The following PANX1 variants were observed in gnomAD, a reference collection of about 807,000 sequenced individuals.
The protein encoded by PANX1 is pannexin 1.
PANX1 carries 30 observed loss-of-function variants against 38.7 expected under a neutral mutation model. The observed-to-expected ratio is 0.78, with a 90% CI of 0.58 to 1.05. The LOEUF (loss-of-function observed/expected upper bound fraction) is 1.05, where lower values mean the gene tolerates loss of function less well. Ranked by LOEUF, PANX1 falls within the 50% of genes least tolerant of loss-of-function variation. The pLI is 0.00. For synonymous variants in PANX1, 230 were observed against 212.2 expected, an observed-to-expected ratio of 1.08 and a Z score of -0.73; for missense variants, 551 against 517.2, an observed-to-expected ratio of 1.07 and a Z score of -0.63.
chr11:94,173,839 C>G (rs1393976521), intron 2 of PANX1, among the ~76,000 whole-genome samples: 1 of 151,770 alleles, frequency 6.6e-6, no homozygotes, highest in Non-Finnish European at 1.5e-5. Context: ...TCTCTGCTTA[C>G]ACTTTTTGTG....
chr11:94,153,711 C>T, intron 2 of PANX1, 81 bp downstream of exon 2: 2 of 1,324,528 alleles, frequency 1.5e-6, no homozygotes. Context: ...TGCCAAAGAC[C>T]ACACAGATAT....
chr11:94,178,601 G>T lies in PANX1; in HGVS notation c.545+9G>T. On this transcript the variant is annotated intron_variant, in intron 3 of 4. Coordinates refer to ENST00000227638, the MANE Select transcript of PANX1 (RefSeq NM_015368.4). ...GAGAACTTAGGGCAAAGGTAACTTA[G>T]CCCCAGCAGGCAGCTCATCGGGTTT... 1 of 1,599,796 alleles carries T rather than the reference G, an allele frequency of 6.3e-7. No individual in the cohort carries two copies. Among genetic ancestry groups the T allele is most frequent in the South Asian group, 1.1e-5 (1 of 90,738 alleles).
chr11:94,161,387 C>T lies in PANX1; in HGVS notation c.321+7757C>T, dbSNP rs147851906. ...CAATCAGACGCAGATTTGGTCTTCT[C>T]ACATAGTCCCATATTTCTTGGAGGC... On this transcript the variant is annotated intron_variant, in intron 2 of 4. Coordinates refer to ENST00000227638, the MANE Select transcript of PANX1 (RefSeq NM_015368.4). Among the ~76,000 whole-genome samples, 1,179 of 152,306 alleles carry T rather than the reference C, an allele frequency of 7.7e-3. 19 individuals carry two copies. Among genetic ancestry groups the T allele is most frequent in the African/African-American group, 0.027 (1,140 of 41,558 alleles).
chr11:94,179,626 C>T lies in PANX1; in HGVS notation c.570C>T (p.His190=). Residue 190 remains histidine, a synonymous_variant, in exon 4 of 5, where the codon CAC becomes CAT. Coordinates refer to ENST00000227638, the MANE Select transcript of PANX1 (RefSeq NM_015368.4). ...GQSLWEVSES[H]FKYPIVEQYL... The stretch of plus-strand genomic sequence containing the variant: ...GTTTGTGGGAGGTATCTGAAAGCCA[C>T]TTCAAGTACCCAATTGTGGAGCAGT... 1 of 1,613,628 alleles carries T rather than the reference C, an allele frequency of 6.2e-7. No individual in the cohort carries two copies. Among genetic ancestry groups the T allele is most frequent in the Non-Finnish European group, 8.5e-7 (1 of 1,179,732 alleles).
At chr11:94,138,735 T>C (rs1325920126) in intron 1 of PANX1, among the ~76,000 whole-genome samples, 1 of 152,226 alleles carries the variant, frequency 6.6e-6, no homozygotes, top group Non-Finnish European at 1.5e-5. Context: ...CATCAAATAC[T>C]GGATCTTATT....
intron 1 of PANX1, among the ~76,000 whole-genome samples, chr11:94,151,844 A>G (rs1268831900): frequency 6.6e-6 from 1 of 152,218 alleles, no homozygotes; most frequent in Non-Finnish European, 1.5e-5. Context: ...GTGACTTTTC[A>G]TGATGATTTC....
Position 94,180,231 on chromosome 11 carries a change from A to G in PANX1, c.1175A>G (p.Gln392Arg). ...TPMSAEMREE[Q>R]GNQTAELQGM... ...ATGTCTGCAGAGATGAGAGAGGAGC[A>G]GGGGAACCAGACGGCAGAGCTCCAA... The change falls in exon 4 of 5, where the codon CAG (glutamine) becomes CGG (arginine). Residue 392 changes from glutamine to arginine, a missense_variant. Physicochemically the swap from Gln to Arg is conservative, Grantham distance 43 (BLOSUM62 1). Coordinates refer to ENST00000227638, the MANE Select transcript of PANX1 (RefSeq NM_015368.4). 6.2e-7 allele frequency: 1 copy of G among 1,608,078 alleles called. No individual in the cohort carries two copies. Among genetic ancestry groups the G allele is most frequent in the Non-Finnish European group, 8.5e-7 (1 of 1,175,302 alleles).
intron 2 of PANX1, 60 bp from the exon 3 acceptor site, chr11:94,178,309 C>A: frequency 7.9e-7 from 1 of 1,269,252 alleles, no homozygotes; most frequent in Non-Finnish European, 1.1e-6. Flanking sequence ...CATCACTTGG[C>A]GCCATAGGTT....
At chr11:94,178,262 C>A in intron 2 of PANX1, 107 bp from the exon 3 acceptor site, 1 of 834,762 alleles carries the variant, frequency 1.2e-6, no homozygotes, top group Non-Finnish European at 2.0e-6. Flanking sequence ...CCAATTTCCA[C>A]AATACACATT....
At chr11:94,175,890 T>G (rs954693717) in intron 2 of PANX1, 1 of 984,812 alleles carries the variant, frequency 1.0e-6, no homozygotes, top group Non-Finnish European at 1.2e-6. Flanking sequence ...GCTGTCTTGG[T>G]AAGAGGGCTT....
intron 1 of PANX1, among the ~76,000 whole-genome samples, chr11:94,144,144 A>G (rs1245554660): frequency 6.6e-6 from 1 of 152,112 alleles, no homozygotes; most frequent in African/African-American, 2.4e-5. Context: ...CTTCTACTTG[A>G]AGAAGTCTAT....
chr11:94,170,062 TACATA>T (rs1039588468), intron 2 of PANX1, among the ~76,000 whole-genome samples: 4 of 151,820 alleles, frequency 2.6e-5, no homozygotes, highest in African/African-American at 9.7e-5. Flanking sequence ...TGATAAAATA[TACATA>T]ACATAAAATT....
intron 2 of PANX1, among the ~76,000 whole-genome samples, chr11:94,162,143 C>A (rs1417750802): frequency 6.6e-6 from 1 of 152,182 alleles, no homozygotes; most frequent in Admixed American, 6.5e-5. Context: ...GGGGGTGCCT[C>A]CCAGTTAGGC....
chr11:94,156,530 A>G (rs1436893402), intron 2 of PANX1, among the ~76,000 whole-genome samples: 1 of 152,110 alleles, frequency 6.6e-6, no homozygotes, highest in East Asian at 1.9e-4. Flanking sequence ...GGCGATCCAG[A>G]ATTAATCTAG....
At chr11:94,164,698 T>G (rs747494651) in intron 2 of PANX1, among the ~76,000 whole-genome samples, 1 of 152,260 alleles carries the variant, frequency 6.6e-6, no homozygotes, top group Non-Finnish European at 1.5e-5. Context: ...TTAGGTATAT[T>G]TGGCCTACAG....
intron 2 of PANX1, among the ~76,000 whole-genome samples, chr11:94,156,916 C>G (rs1191098143): frequency 3.3e-5 from 5 of 151,868 alleles, no homozygotes; most frequent in African/African-American, 7.3e-5. Flanking sequence ...GTGATGTTCC[C>G]CTTCCTGTGT....
intron 1 of PANX1, among the ~76,000 whole-genome samples, chr11:94,135,180 G>C (rs1946674173): frequency 6.6e-6 from 1 of 152,158 alleles, no homozygotes; most frequent in African/African-American, 2.4e-5. Flanking sequence ...AGGGTGTCTG[G>C]TCAGCCGGGG....
chr11:94,161,485 T>A (rs1947033921), intron 2 of PANX1, among the ~76,000 whole-genome samples: 2 of 152,376 alleles, frequency 1.3e-5, no homozygotes, highest in East Asian at 3.9e-4. Flanking sequence ...CTTCCATCAC[T>A]GATACCTTTT....
At position 94,129,488 on chromosome 11, in the gene PANX1, C is replaced by T. The variant is rs1328613219; in HGVS notation, c.176C>T (p.Ser59Leu). The T allele has an allele frequency of 2.5e-6, 4 of 1,608,110 alleles. No homozygotes were observed. The highest frequency in any genetic ancestry group is 3.4e-6 in the Non-Finnish European group (4 of 1,176,380). ...LISLAFAQEI[S>L]IGTQISCFSP... ...TCGCTGGCCTTCGCGCAGGAGATCT[C>T]GATTGGTAAGCCTCGCCCAGGACGG... is the stretch of plus-strand genomic sequence containing the variant. Residue 59 changes from serine (S) to leucine (L), a missense_variant, in exon 1 of 5, where the codon TCG (serine) becomes TTG (leucine). By Grantham distance (145) the Ser-to-Leu change is moderately radical (BLOSUM62 -2). Transcript: ENST00000227638.
Sources: gnomAD v4.1 joint callset for allele counts (sites outside exome capture counted in the v4.1 genomes callset) on GRCh38, gnomAD v4.1.1 for gene constraint, MANE v1.5 for transcripts, NCBI Gene and HGNC (gene_info 2026-07-23, HGNC 2026-07-21) for gene names.